Variants in RUNX2 observed in about 807,000 individuals in gnomAD.
RUNX2 encodes the protein RUNX family transcription factor 2.
RUNX2 carries 10 observed loss-of-function variants against 51.7 expected under a neutral mutation model. The observed-to-expected ratio is 0.19, with a 90% CI of 0.12 to 0.33. The LOEUF is 0.33. Ranked by LOEUF, RUNX2 falls within the 10% of genes least tolerant of loss-of-function variation. RUNX2 has a pLI of 1.00. For synonymous variants in RUNX2, 276 were observed against 273.6 expected, an observed-to-expected ratio of 1.01 and a Z score of -0.09; for missense variants, 562 against 691.3, an observed-to-expected ratio of 0.81 and a Z score of 2.10.
intron 2 of RUNX2, among the ~76,000 whole-genome samples, chr6:45,373,870 T>C (rs991866966): frequency 2.0e-5 from 3 of 152,208 alleles, no homozygotes; most frequent in African/African-American, 7.2e-5. Context: ...TACAATATTA[T>C]TTGTAAAAGA....
At chr6:45,532,837 T>C (rs1801903920) in intron 7 of RUNX2, among the ~76,000 whole-genome samples, 1 of 152,040 alleles carries the variant, frequency 6.6e-6, no homozygotes, top group Admixed American at 6.6e-5. Flanking sequence ...CTTCCACTGT[T>C]TGAGGAGCTA....
At chr6:45,330,322 T>A (rs1437955653) in intron 2 of RUNX2, among the ~76,000 whole-genome samples, 1 of 151,916 alleles carries the variant, frequency 6.6e-6, no homozygotes, top group East Asian at 1.9e-4. Flanking sequence ...AATTACAGCT[T>A]ATACATCGAA....
At chr6:45,422,406 A>G (rs1182684851) in intron 2 of RUNX2, 187 bp from the exon 3 acceptor site, 6 of 616,246 alleles carry the variant, frequency 9.7e-6, no homozygotes, top group Non-Finnish European at 1.5e-5. Flanking sequence ...TTGGCCCATC[A>G]GACTCCGCCC....
chr6:45,481,339 C>G (rs1470078223), intron 5 of RUNX2, among the ~76,000 whole-genome samples: 2 of 151,998 alleles, frequency 1.3e-5, no homozygotes, highest in Non-Finnish European at 2.9e-5. Flanking sequence ...ACTGCTATTT[C>G]CATTGCTAAA....
chr6:45,534,163 G>C (rs553454599), intron 7 of RUNX2, among the ~76,000 whole-genome samples: 12 of 152,138 alleles, frequency 7.9e-5, no homozygotes, highest in African/African-American at 2.4e-4. Context: ...CCAAAGTGCT[G>C]GGATTACAGA....
At chr6:45,464,053 C>T (rs189188596) in intron 5 of RUNX2, among the ~76,000 whole-genome samples, 5 of 152,214 alleles carry the variant, frequency 3.3e-5, no homozygotes, top group Admixed American at 1.3e-4. Flanking sequence ...ATTAGCCAGG[C>T]GTGGTGGCAG....
At chr6:45,459,532 A>G (rs186741722) in intron 5 of RUNX2, among the ~76,000 whole-genome samples, 70 of 152,360 alleles carry the variant, frequency 4.6e-4, no homozygotes, top group African/African-American at 1.5e-3. Context: ...ATAAACAATT[A>G]GATGGCACTG....
Position 45,338,493 on chromosome 6 carries a change from T to G in RUNX2, c.58+9709T>G, listed in dbSNP as rs75932383. On this transcript the variant is annotated intron_variant, in intron 2 of 8. Coordinates refer to ENST00000647337, the MANE Select transcript of RUNX2 (RefSeq NM_001024630.4). ...GGTACTATATTTTGAATTAAGAAAC[T>G]TTGACAGCTACAAGAGCACTGATTT... 7.9e-5 allele frequency among the ~76,000 whole-genome samples: 12 copies of G among 152,172 alleles called. No homozygotes were observed. The East Asian group carries it at 2.3e-3, about 29-fold the overall frequency.
intron 2 of RUNX2, among the ~76,000 whole-genome samples, chr6:45,340,722 C>T (rs1407350355): frequency 6.6e-6 from 1 of 152,010 alleles, no homozygotes; most frequent in Admixed American, 6.6e-5. Context: ...CACATATATA[C>T]TCTATGTGAT....
intron 4 of RUNX2, among the ~76,000 whole-genome samples, chr6:45,434,989 T>C (rs1798642701): frequency 6.6e-6 from 1 of 152,164 alleles, no homozygotes; most frequent in Admixed American, 6.5e-5. Flanking sequence ...CAACATTGCA[T>C]ACATATTTCT....
intron 2 of RUNX2, chr6:45,421,786 G>A (rs1459452492): frequency 6.6e-6 from 1 of 152,252 alleles, no homozygotes; most frequent in Middle Eastern, 3.1e-3. Context: ...GGCGGCGGCA[G>A]CGGCTGCGAT....
intron 7 of RUNX2, among the ~76,000 whole-genome samples, chr6:45,537,462 T>C (rs1054148834): frequency 2.0e-5 from 3 of 152,146 alleles, no homozygotes; most frequent in African/African-American, 7.2e-5. Context: ...TTTTTGAGCT[T>C]GAGTTTGCCA....
At chr6:45,341,075 A>G (rs1353469520) in intron 2 of RUNX2, among the ~76,000 whole-genome samples, 1 of 152,176 alleles carries the variant, frequency 6.6e-6, no homozygotes, top group Non-Finnish European at 1.5e-5. Flanking sequence ...TGTGCCTACC[A>G]AAAAAATACT....
intron 2 of RUNX2, chr6:45,377,945 T>TG (rs532035127): frequency 0.06 from 6,938 of 116,402 alleles, 202 homozygotes; most frequent in Admixed American, 0.1. Context: ...GACGGGGCGA[T>TG]GGGGGGGGTA....
At chr6:45,546,689 A>AG (rs1802410976) in intron 8 of RUNX2, 138 bp from the exon 9 acceptor site, 1 of 734,376 alleles carries the variant, frequency 1.4e-6, no homozygotes, top group African/African-American at 1.8e-5. Context: ...TGACTGGTGC[A>AG]TTTGAAGGTC....
chr6:45,363,380 A>G (rs1263421855), intron 2 of RUNX2, among the ~76,000 whole-genome samples: 1 of 152,214 alleles, frequency 6.6e-6, no homozygotes, highest in Non-Finnish European at 1.5e-5. Context: ...GCTTTAAAAT[A>G]CTTCATATTT....
At chr6:45,483,613 G>A (rs1433177021) in intron 5 of RUNX2, among the ~76,000 whole-genome samples, 1 of 152,184 alleles carries the variant, frequency 6.6e-6, no homozygotes, top group African/African-American at 2.4e-5. Flanking sequence ...CTTACTGGAT[G>A]CCTACTGCAC....
chr6:45,496,246 G>T (rs542114262), intron 6 of RUNX2, among the ~76,000 whole-genome samples: 8 of 152,246 alleles, frequency 5.3e-5, no homozygotes, highest in Non-Finnish European at 1.0e-4. Flanking sequence ...AGGCCCTTGG[G>T]TTTGGTGGAT....
intron 5 of RUNX2, among the ~76,000 whole-genome samples, chr6:45,488,546 C>T (rs1211903105): frequency 6.6e-6 from 1 of 152,158 alleles, no homozygotes; most frequent in African/African-American, 2.4e-5. Context: ...GGTTCTCAAT[C>T]CTGGCTGCAG....
Sources: gnomAD v4.1 joint callset for allele counts (sites outside exome capture counted in the v4.1 genomes callset) on GRCh38, gnomAD v4.1.1 for gene constraint, MANE v1.5 for transcripts, NCBI Gene and HGNC (gene_info 2026-07-23, HGNC 2026-07-21) for gene names.